The following IFNLR1 variants were observed in gnomAD, a reference collection of about 807,000 sequenced individuals.
IFNLR1 encodes CRF2-12.
IFNLR1 carries 28 observed loss-of-function variants against 52.5 expected under a neutral mutation model. That is an observed-to-expected ratio of 0.53 (90% CI 0.40 to 0.73). The LOEUF (loss-of-function observed/expected upper bound fraction) is 0.73. Among genes scored for constraint, IFNLR1 ranks in the 30% least tolerant of loss-of-function variants. IFNLR1 has a pLI of 0.00. For missense variants in IFNLR1, 623 were observed against 659.1 expected (o/e 0.95, Z 0.60); for synonymous variants, 276 against 274.9 (o/e 1.00, Z -0.04).
In IFNLR1 at chr1:24,159,155, G is replaced by A; in HGVS notation, c.698C>T (p.Pro233Leu). The A allele has an allele frequency of 1.2e-6, 2 of 1,614,094 alleles. No homozygotes were observed. The highest frequency in any genetic ancestry group is 1.7e-6 in the Non-Finnish European group (2 of 1,180,006). Residue 233 changes from proline (P) to leucine (L), a missense_variant, in exon 6 of 7, where the codon CCA becomes CTA. Coordinates refer to ENST00000327535, the MANE Select transcript of IFNLR1 (RefSeq NM_170743.4). ...TACTAACAGCAGTATCAGAAGCGATGGCAGCACCAGGAAAGCCCAGTTGGC... is the reference window on the plus strand; with the variant it reads ...TACTAACAGCAGTATCAGAAGCGATAGCAGCACCAGGAAAGCCCAGTTGGC... ...PEANWAFLVL[P>L]SLLILLLVIA... is the part of the protein sequence containing the mutation.
intron 1 of IFNLR1, among the ~76,000 whole-genome samples, chr1:24,181,200 T>C (rs1239344285): frequency 1.3e-5 from 2 of 152,202 alleles, no homozygotes; most frequent in African/African-American, 2.4e-5. Context: ...CAGCACATAG[T>C]AGGTGCACAA....
In IFNLR1 at chr1:24,175,691, G is replaced by A. The variant is rs57639917; in HGVS notation, c.182+5040C>T. Among the ~76,000 whole-genome samples the A allele has an allele frequency of 8.2e-3, 1,242 of 152,246 alleles. 16 individuals are homozygous for A. The highest frequency in any genetic ancestry group is 0.027 in the African/African-American group (1,124 of 41,514). On this transcript the variant is annotated intron_variant, in intron 2 of 6. Coordinates refer to ENST00000327535, the MANE Select transcript of IFNLR1 (RefSeq NM_170743.4). ...CTCATGCCTGTAATCCCAGCCCTTT[G>A]GGAGGCCAAGGCAGGCGGATCACCT...
In IFNLR1 at chr1:24,169,591, G is replaced by A. The variant is rs767826624; in HGVS notation, c.193C>T (p.Arg65Cys). Residue 65 changes from arginine to cysteine, a missense_variant, in exon 3 of 7, where the codon CGT becomes TGT. Physicochemically the swap from Arg to Cys is radical, Grantham distance 180. Transcript: ENST00000327535. ...TCTTCCACTTCGCGCCACCGTCTAC[G>A]GGTGGGAGAGCTGGGGGAGGAGAGA... ...YFVAYQSSPT[R>C]RRWREVEECA... is the part of the protein sequence containing the mutation. 1.4e-5 allele frequency: 22 copies of A among 1,613,068 alleles called. No individual in the cohort carries two copies. Among genetic ancestry groups the A allele is most frequent in the South Asian group, 6.6e-5 (6 of 90,916 alleles).
At chr1:24,184,675 C>T (rs1334343898) in intron 1 of IFNLR1, among the ~76,000 whole-genome samples, 1 of 152,186 alleles carries the variant, frequency 6.6e-6, no homozygotes, top group African/African-American at 2.4e-5. Flanking sequence ...AGGGAATCTT[C>T]CTTGACATAT....
intron 2 of IFNLR1, among the ~76,000 whole-genome samples, chr1:24,170,382 A>T (rs958462974): frequency 6.6e-6 from 1 of 152,068 alleles, no homozygotes; most frequent in East Asian, 1.9e-4. Flanking sequence ...ATTTTTTGAG[A>T]TGGAGTCTTG....
rs1372562016 is a variant in IFNLR1, at chr1:24,155,757, G to A, written c.*1373C>T. On this transcript the variant is annotated 3_prime_UTR_variant, in exon 7 of 7. Transcript: ENST00000327535. ...ATCCCTTCTTCACAAATCCAGAAATGTTAGTCCTGGCAGGTTGAATGGCCA... is the reference window on the plus strand; with the variant it reads ...ATCCCTTCTTCACAAATCCAGAAATATTAGTCCTGGCAGGTTGAATGGCCA... 1 of 152,250 alleles carries A rather than the reference G, an allele frequency of 6.6e-6. No homozygotes were observed. Among genetic ancestry groups the A allele is most frequent in the Non-Finnish European group, 1.5e-5 (1 of 68,054 alleles). The allele number at this position is 152,250 out of a possible 1,614,324, so 9.4% of individuals were successfully genotyped here. A position where few individuals can be genotyped will look rare whatever the true frequency, so the allele number is the denominator to read the frequency against.
rs375956374 is a variant in IFNLR1 at position 24,157,905 on chromosome 1, G to A, written c.802-14C>T. On this transcript the variant is annotated splice_polypyrimidine_tract_variant and intron_variant, in intron 6 of 6. Coordinates refer to ENST00000327535, the MANE Select transcript of IFNLR1 (RefSeq NM_170743.4). The surrounding 1 kb of genome is among the most constrained non-coding windows in gnomAD (Gnocchi z 5.1). ...TCCAGAAAAGTCCTGATTTGGGTAGGGGAGAGAAAAGCAGAAAATTTAGGC... is the reference window on the plus strand; with the variant it reads ...TCCAGAAAAGTCCTGATTTGGGTAGAGGAGAGAAAAGCAGAAAATTTAGGC... 5.3e-5 allele frequency: 82 copies of A among 1,535,796 alleles called. No individual in the cohort carries two copies. Among genetic ancestry groups the A allele is most frequent in the Non-Finnish European group, 6.7e-5 (77 of 1,145,196 alleles).
rs747735842 is a variant in IFNLR1 at position 24,157,839 on chromosome 1, T to G, written c.854A>C (p.Glu285Ala). ...ACAGAGGAACAAGTCATTCACGGACTCTGGTCTGCTGGGCTGAAAGGTTGC... is the reference window on the plus strand; with the variant it reads ...ACAGAGGAACAAGTCATTCACGGACGCTGGTCTGCTGGGCTGAAAGGTTGC... ...PVATFQPSRP[E>A]SVNDLFLCPQ... is the part of the protein sequence containing the mutation. The change falls in exon 7 of 7, where the codon GAG becomes GCG. Residue 285 changes from glutamate to alanine, a missense_variant. By Grantham distance (107) the Glu-to-Ala change is moderately radical (BLOSUM62 -1). Transcript: ENST00000327535. The surrounding 1 kb of genome is among the most constrained non-coding windows in gnomAD (Gnocchi z 5.1). 1.4e-5 allele frequency: 23 copies of G among 1,612,772 alleles called. No homozygotes were observed. Among genetic ancestry groups the G allele is most frequent in the Non-Finnish European group, 2.0e-5 (23 of 1,179,358 alleles).
rs543042342 is a variant in IFNLR1, at chr1:24,156,991, C to T, written c.*139G>A. 59 of 935,188 alleles carry T rather than the reference C, an allele frequency of 6.3e-5. No homozygotes were observed. Among genetic ancestry groups the T allele is most frequent in the African/African-American group, 6.1e-4 (37 of 60,650 alleles). 57.9% of individuals were successfully genotyped at this position (935,188 alleles called of 1,614,324 possible). On this transcript the variant is annotated 3_prime_UTR_variant, in exon 7 of 7. Coordinates refer to ENST00000327535, the MANE Select transcript of IFNLR1 (RefSeq NM_170743.4). ...TTGCTCAGCCCGACAGGCAAACAGC[C>T]GCTAGGTGGACTTCCCGGAAGTGCA... is the stretch of plus-strand genomic sequence containing the variant.
At chr1:24,161,810 T>A in intron 3 of IFNLR1, 126 bp from the exon 4 acceptor site, 2 of 872,340 alleles carry the variant, frequency 2.3e-6, no homozygotes, top group Non-Finnish European at 3.4e-6. Context: ...CTTGTGCACC[T>A]AGCACCTTAT....
intron 1 of IFNLR1, among the ~76,000 whole-genome samples, chr1:24,186,426 C>T (rs1022984131): frequency 3.9e-5 from 6 of 152,134 alleles, no homozygotes; most frequent in African/African-American, 1.4e-4. Context: ...CAGAATAATG[C>T]GGTGCCTGGC....
intron 1 of IFNLR1, 22 bp downstream of exon 1, chr1:24,187,169 T>A: frequency 7.4e-7 from 1 of 1,356,738 alleles, no homozygotes; most frequent in Non-Finnish European, 9.5e-7. Context: ...TCCCCCTCCC[T>A]CCCGCGGCCC....
At chr1:24,161,270 T>A (rs7552000) in intron 4 of IFNLR1, 1 of 574,468 alleles carries the variant, frequency 1.7e-6, no homozygotes, top group South Asian at 2.5e-5. Context: ...GAGTGATGTG[T>A]GGTCATCTCT....
intron 1 of IFNLR1, 26 bp downstream of exon 1, chr1:24,187,161 CCCCT>C (rs1181238367): frequency 7.4e-7 from 1 of 1,348,444 alleles, no homozygotes; most frequent in Non-Finnish European, 9.6e-7. Flanking sequence ...AGCCCTCTTC[CCCCT>C]CCCTCCCGCG....
At chr1:24,180,667 G>GCCCCAACCCCCCCC in intron 2 of IFNLR1, 64 bp downstream of exon 2, 1 of 1,325,308 alleles carries the variant, frequency 7.5e-7, no homozygotes, top group East Asian at 2.4e-5. Context: ...TCCCAGAGAA[G>GCCCCAACCCCCCCC]CCCCTCCAGC....
At chr1:24,185,459 C>T (rs1488987306) in intron 1 of IFNLR1, among the ~76,000 whole-genome samples, 1 of 152,216 alleles carries the variant, frequency 6.6e-6, no homozygotes, top group Non-Finnish European at 1.5e-5. Flanking sequence ...TGAAGTGTCC[C>T]ATGTGCCATG....
chr1:24,157,965 C>G lies in IFNLR1; in HGVS notation c.802-74G>C. 1 of 1,360,862 alleles carries G rather than the reference C, an allele frequency of 7.3e-7. No individual in the cohort carries two copies. The highest frequency in any genetic ancestry group is 9.9e-7 in the Non-Finnish European group (1 of 1,005,228). 84.3% of individuals were successfully genotyped at this position (1,360,862 alleles called of 1,614,324 possible). A position where few individuals can be genotyped will look rare whatever the true frequency, so the allele number is the denominator to read the frequency against. ...GCATAATTATCATCATCTGAATTCC[C>G]CTAGAAACAGACCTCAGACAAGGCT... On this transcript the variant is annotated intron_variant, in intron 6 of 6. Coordinates refer to ENST00000327535, the MANE Select transcript of IFNLR1 (RefSeq NM_170743.4). This position sits in a 1 kb window ranked among gnomAD's most constrained non-coding sequence, Gnocchi z 5.1.
intron 1 of IFNLR1, among the ~76,000 whole-genome samples, chr1:24,181,825 C>T (rs1569701133): frequency 6.6e-6 from 1 of 152,234 alleles, no homozygotes; most frequent in African/African-American, 2.4e-5. Flanking sequence ...GTCACAGGGA[C>T]GTCTGCCAGT....
At chr1:24,171,957 T>C (rs992800826) in intron 2 of IFNLR1, among the ~76,000 whole-genome samples, 1 of 152,088 alleles carries the variant, frequency 6.6e-6, no homozygotes, top group Non-Finnish European at 1.5e-5. Context: ...CCACCACTCC[T>C]GGCCCAGCTA....
Sources: gnomAD v4.1 joint callset for allele counts (sites outside exome capture counted in the v4.1 genomes callset) on GRCh38, gnomAD v4.1.1 for gene constraint, Gnocchi (gnomAD v3.1) non-coding constraint, MANE v1.5 for transcripts, NCBI Gene and HGNC (gene_info 2026-07-23, HGNC 2026-07-21) for gene names.